The following METTL15 variants were observed in gnomAD, a reference collection of about 807,000 sequenced individuals.
METTL15 encodes methyltransferase 15, mitochondrial 12S rRNA N4-cytidine.
A neutral mutation model predicts 38.3 loss-of-function variants in METTL15; 34 were observed. The observed-to-expected ratio is 0.89, with a 90% CI of 0.68 to 1.18. The LOEUF is 1.18. Ranked by LOEUF, METTL15 falls within the 50% of genes most tolerant of loss-of-function variation. The pLI, the probability that METTL15 is intolerant of heterozygous loss-of-function variation, is 0.00. For missense variants in METTL15, 438 were observed against 498.4 expected, an observed-to-expected ratio of 0.88 and a Z score of 1.15; for synonymous variants, 162 against 170.9, an observed-to-expected ratio of 0.95 and a Z score of 0.41.
chr11:28,196,423 G>A (rs1308407513), intron 3 of METTL15, among the ~76,000 whole-genome samples: 1 of 151,648 alleles, frequency 6.6e-6, no homozygotes, highest in African/African-American at 2.4e-5. Context: ...TCACCTCCTT[G>A]GTTAATATAT....
chr11:28,409,072 CA>C (rs1223580952), intron 5 of METTL15, among the ~76,000 whole-genome samples: 5 of 152,038 alleles, frequency 3.3e-5, no homozygotes, highest in African/African-American at 4.8e-5. Flanking sequence ...GGCCACAAAA[CA>C]ATTTTTATTT....
chr11:28,498,326 T>C (rs1851553271), intron 6 of METTL15, among the ~76,000 whole-genome samples: 1 of 151,874 alleles, frequency 6.6e-6, no homozygotes. Flanking sequence ...GCCCGGCTAA[T>C]TTTTTGTATT....
At chr11:28,130,203 C>T (rs183447632) in intron 3 of METTL15, among the ~76,000 whole-genome samples, 24 of 152,024 alleles carry the variant, frequency 1.6e-4, no homozygotes, top group Admixed American at 1.1e-3. Context: ...CCCAGTTATT[C>T]GAGAGGCTGA....
At chr11:28,320,037 G>C (rs1270041544) in intron 6 of METTL15, among the ~76,000 whole-genome samples, 3 of 152,014 alleles carry the variant, frequency 2.0e-5, no homozygotes, top group Non-Finnish European at 4.4e-5. Context: ...CTTTTCATTA[G>C]GTTTGAATTT....
chr11:28,370,345 C>CAT (rs1272342325), intron 5 of METTL15, among the ~76,000 whole-genome samples: 2 of 151,798 alleles, frequency 1.3e-5, no homozygotes, highest in African/African-American at 4.8e-5. Context: ...TTTTATCTAG[C>CAT]ATAATTACCT....
At chr11:28,439,407 C>T (rs967479387) in intron 6 of METTL15, among the ~76,000 whole-genome samples, 4 of 152,202 alleles carry the variant, frequency 2.6e-5, no homozygotes, top group Admixed American at 6.5e-5. Context: ...GAAAGGGTTA[C>T]GCAGGACAAA....
intron 4 of METTL15, among the ~76,000 whole-genome samples, chr11:28,224,868 ACTTTTATAATTT>A (rs1304584633): frequency 4.0e-5 from 6 of 151,490 alleles, no homozygotes; most frequent in African/African-American, 4.8e-5. Context: ...GTTTTATTGA[ACTTTTATAATTT>A]CTTATGTCCA....
At chr11:28,149,783 G>C (rs1850015905) in intron 3 of METTL15, among the ~76,000 whole-genome samples, 1 of 151,558 alleles carries the variant, frequency 6.6e-6, no homozygotes, top group African/African-American at 2.4e-5. Flanking sequence ...ATACAAAAAG[G>C]CCTATATAAA....
At chr11:28,217,855 G>A (rs531446930) in intron 4 of METTL15, among the ~76,000 whole-genome samples, 1 of 152,164 alleles carries the variant, frequency 6.6e-6, no homozygotes, top group Non-Finnish European at 1.5e-5. Flanking sequence ...GTTTGTCAAA[G>A]ATCAGATAGT....
chr11:28,479,057 TTGTGTGTGTG>T (rs71050961), intron 6 of METTL15, among the ~76,000 whole-genome samples: 10,650 of 146,666 alleles, frequency 0.073, 417 homozygotes, highest in East Asian at 0.18. Flanking sequence ...TTATTTCTCT[TTGTGTGTGTG>T]TGTGTGTGTG....
chr11:28,218,637 A>C (rs1471553545), intron 4 of METTL15, among the ~76,000 whole-genome samples: 1 of 152,100 alleles, frequency 6.6e-6, no homozygotes, highest in East Asian at 1.9e-4. Flanking sequence ...GTCTTGTGCC[A>C]GTTTTCAAAG....
At chr11:28,156,465 A>G (rs1241014913) in intron 3 of METTL15, among the ~76,000 whole-genome samples, 4 of 152,222 alleles carry the variant, frequency 2.6e-5, no homozygotes. Flanking sequence ...GATATTCAGT[A>G]CAACAGAATC....
chr11:28,468,015 C>T (rs1851272109), intron 6 of METTL15, among the ~76,000 whole-genome samples: 1 of 152,096 alleles, frequency 6.6e-6, no homozygotes. Flanking sequence ...CATGAACCAC[C>T]ACTCAAATGC....
At chr11:28,195,332 G>C (rs1344776651) in intron 3 of METTL15, among the ~76,000 whole-genome samples, 2 of 152,030 alleles carry the variant, frequency 1.3e-5, no homozygotes, top group Non-Finnish European at 2.9e-5. Context: ...ATTTCCACCA[G>C]CAATGTATAA....
intron 6 of METTL15, among the ~76,000 whole-genome samples, chr11:28,481,551 C>T (rs1040517765): frequency 1.3e-5 from 2 of 152,178 alleles, no homozygotes; most frequent in Non-Finnish European, 1.5e-5. Context: ...GACTTTTCCC[C>T]TCTGATTTCC....
chr11:28,516,915 G>T (rs1330721505), intron 6 of METTL15: 1 of 152,176 alleles, frequency 6.6e-6, no homozygotes, highest in Non-Finnish European at 1.5e-5. Context: ...TGAAATTGTT[G>T]GATCATAAAG....
chr11:28,431,329 G>C (rs942662696), intron 6 of METTL15, among the ~76,000 whole-genome samples: 4 of 140,564 alleles, frequency 2.8e-5, no homozygotes, highest in Non-Finnish European at 6.3e-5. Context: ...CGGCTTTGTG[G>C]AATAGAAAGG....
rs549519932 is a variant in METTL15 at position 28,205,404 on chromosome 11, A to G, written c.271-5658A>G. Among the ~76,000 whole-genome samples, 440 of 151,928 alleles carry G rather than the reference A, an allele frequency of 2.9e-3. 2 individuals are homozygous for G. Among genetic ancestry groups the G allele is most frequent in the African/African-American group, 9.6e-3 (399 of 41,442 alleles). On this transcript the variant is annotated intron_variant, in intron 3 of 6. Transcript: ENST00000407364. ...AGTTTACTGAGAATGATAATTTCCAATTTCATCCATGTCCCTACAAAGGAC... is the reference window on the plus strand; with the variant it reads ...AGTTTACTGAGAATGATAATTTCCAGTTTCATCCATGTCCCTACAAAGGAC...
rs1360942804 is a variant in METTL15, at chr11:28,235,422, T to A, written c.407+24224T>A. ...AGTATGGCCATTTTCACGATATTGA[T>A]TCTTCCTACCCATGAGCATGGAATG... On this transcript the variant is annotated intron_variant, in intron 4 of 6. Coordinates refer to ENST00000407364, the MANE Select transcript of METTL15 (RefSeq NM_001113528.2). Among the ~76,000 whole-genome samples, 3 of 152,088 alleles carry A rather than the reference T, an allele frequency of 2.0e-5. No individual in the cohort carries two copies. The East Asian group carries it at 5.8e-4, about 29-fold the overall frequency.
Sources: gnomAD v4.1 joint callset for allele counts (sites outside exome capture counted in the v4.1 genomes callset) on GRCh38, gnomAD v4.1.1 for gene constraint, MANE v1.5 for transcripts, NCBI Gene and HGNC (gene_info 2026-07-23, HGNC 2026-07-21) for gene names.